DPP10: variants seen among roughly 807,000 people sequenced by gnomAD.
DPP10 encodes dipeptidyl peptidase like 10.
Under a neutral mutation model 120.9 loss-of-function variants are expected in DPP10, and 33 were observed. The observed-to-expected ratio is 0.27, with a 90% confidence interval of 0.21 to 0.37. DPP10 has a LOEUF of 0.37. Ranked by LOEUF, DPP10 falls within the 10% of genes least tolerant of loss-of-function variation. The probability of loss-of-function intolerance (pLI) is 1.00; values close to 1 mark genes in which losing one functional copy is unlikely to be tolerated. For missense variants in DPP10, 816 were observed against 942.8 expected (o/e 0.87, Z 1.76); for synonymous variants, 337 against 326.1 (o/e 1.03, Z -0.36).
chr2:115,766,310 G>GTGTGTGTATATA (rs1371625141), intron 12 of DPP10, among the ~76,000 whole-genome samples: 7 of 81,746 alleles, frequency 8.6e-5, no homozygotes, highest in African/African-American at 1.3e-4. Context: ...GTGTGTGTGT[G>GTGTGTGTATATA]TATATATATA....
chr2:114,931,764 T>C (rs554545865), intron 1 of DPP10, among the ~76,000 whole-genome samples: 1 of 152,330 alleles, frequency 6.6e-6, no homozygotes, highest in East Asian at 1.9e-4. Context: ...AAGCTGCATG[T>C]CAGGATCTTC....
chr2:114,759,837 T>A (rs995459769), intron 1 of DPP10, among the ~76,000 whole-genome samples: 15 of 151,960 alleles, frequency 9.9e-5, no homozygotes, highest in Admixed American at 3.3e-4. Context: ...CAGCACAAGA[T>A]GATGTCCAAG....
intron 19 of DPP10, 124 bp downstream of exon 19, chr2:115,791,480 GT>G: frequency 1.2e-6 from 1 of 815,868 alleles, no homozygotes; most frequent in South Asian, 2.1e-5. Context: ...CAGGACAGCT[GT>G]CTGTTGTCTA....
chr2:114,590,548 C>G (rs955110974), intron 1 of DPP10, among the ~76,000 whole-genome samples: 1 of 152,162 alleles, frequency 6.6e-6, no homozygotes, highest in Non-Finnish European at 1.5e-5. Flanking sequence ...TTTCTTAAGT[C>G]TATACTAACA....
chr2:115,732,166 G>A lies in DPP10; in HGVS notation c.697+4230G>A, dbSNP rs188022854. The stretch of plus-strand genomic sequence containing the variant: ...TAAATTAGCATGTATGGGAGACACA[G>A]AAAGTAACATGTAACATTTCAACTT... On this transcript the variant is annotated intron_variant, in intron 8 of 25. Transcript: ENST00000410059. Among the ~76,000 whole-genome samples the A allele has an allele frequency of 3.9e-5, 6 of 152,208 alleles. No homozygotes were observed. The East Asian group carries it at 1.2e-3, about 29-fold the overall frequency.
intron 1 of DPP10, among the ~76,000 whole-genome samples, chr2:114,591,772 C>A (rs1373726146): frequency 6.6e-6 from 1 of 151,892 alleles, no homozygotes; most frequent in Non-Finnish European, 1.5e-5. Context: ...TCAGGCTGGT[C>A]TCGAACTCCT....
At chr2:114,886,795 C>A (rs1285252150) in intron 1 of DPP10, among the ~76,000 whole-genome samples, 3 of 152,260 alleles carry the variant, frequency 2.0e-5, no homozygotes, top group Admixed American at 6.5e-5. Flanking sequence ...GTAGTCGAGG[C>A]CTTGCTCTGG....
chr2:115,056,693 T>TA (rs1037314843), intron 1 of DPP10, among the ~76,000 whole-genome samples: 4 of 152,088 alleles, frequency 2.6e-5, no homozygotes, highest in African/African-American at 9.7e-5. Flanking sequence ...AATGCCAACG[T>TA]AAGTCCAATG....
At chr2:115,089,817 A>G (rs1270434399) in intron 1 of DPP10, among the ~76,000 whole-genome samples, 2 of 152,230 alleles carry the variant, frequency 1.3e-5, no homozygotes, top group Non-Finnish European at 2.9e-5. Flanking sequence ...CTGCACTTTC[A>G]TGTTCCATGA....
chr2:115,386,905 A>G (rs2066981332), intron 3 of DPP10, among the ~76,000 whole-genome samples: 1 of 151,948 alleles, frequency 6.6e-6, no homozygotes, highest in Non-Finnish European at 1.5e-5. Flanking sequence ...TACTCAGTAA[A>G]AAAAAAAAAA....
intron 1 of DPP10, among the ~76,000 whole-genome samples, chr2:114,662,098 G>T (rs1697455607): frequency 1.3e-5 from 2 of 152,122 alleles, no homozygotes; most frequent in African/African-American, 4.8e-5. Context: ...TCCTAGCAGG[G>T]CTGGAAAGGC....
intron 5 of DPP10, among the ~76,000 whole-genome samples, chr2:115,582,375 T>C (rs2082049282): frequency 6.6e-6 from 1 of 152,176 alleles, no homozygotes; most frequent in African/African-American, 2.4e-5. Context: ...ATGCTTGAGC[T>C]CCACTTACCC....
intron 1 of DPP10, among the ~76,000 whole-genome samples, chr2:114,684,433 A>G (rs1699234719): frequency 1.3e-5 from 2 of 151,974 alleles, no homozygotes; most frequent in Admixed American, 1.3e-4. Flanking sequence ...ACAAAAGGGG[A>G]AAAAACAGGA....
chr2:115,588,573 G>A (rs2149161539), intron 5 of DPP10, among the ~76,000 whole-genome samples: 1 of 152,272 alleles, frequency 6.6e-6, no homozygotes, highest in South Asian at 2.1e-4. Flanking sequence ...CTGCATACCT[G>A]GGGCATGCCA....
intron 2 of DPP10, among the ~76,000 whole-genome samples, chr2:115,329,185 G>A (rs554861621): frequency 2.0e-5 from 3 of 152,032 alleles, no homozygotes; most frequent in Admixed American, 6.6e-5. Context: ...TTTGTCAGCT[G>A]TCCTCCTCAT....
intron 1 of DPP10, among the ~76,000 whole-genome samples, chr2:114,957,258 T>C (rs1698281856): frequency 6.6e-6 from 1 of 151,640 alleles, no homozygotes; most frequent in Non-Finnish European, 1.5e-5. Context: ...CATTGAAAAA[T>C]GGGCAAGGGA....
intron 1 of DPP10, among the ~76,000 whole-genome samples, chr2:114,526,101 T>G (rs1313821278): frequency 6.6e-6 from 1 of 152,212 alleles, no homozygotes; most frequent in African/African-American, 2.4e-5. Flanking sequence ...AAATGCTCTT[T>G]GGCAAACCAT....
chr2:114,814,030 TA>T (rs1414801406), intron 1 of DPP10, among the ~76,000 whole-genome samples: 3 of 151,920 alleles, frequency 2.0e-5, no homozygotes, highest in Non-Finnish European at 4.4e-5. Flanking sequence ...AAAACTCTAT[TA>T]TTTATCTCAT....
chr2:114,634,513 C>G (rs1409479985), intron 1 of DPP10, among the ~76,000 whole-genome samples: 1 of 151,682 alleles, frequency 6.6e-6, no homozygotes, highest in Non-Finnish European at 1.5e-5. Context: ...AGAAGTAAAC[C>G]CTTAGCTACT....
Sources: gnomAD v4.1 joint callset for allele counts (sites outside exome capture counted in the v4.1 genomes callset) on GRCh38, gnomAD v4.1.1 for gene constraint, MANE v1.5 for transcripts, NCBI Gene and HGNC (gene_info 2026-07-23, HGNC 2026-07-21) for gene names.